CLN6: variants seen among roughly 807,000 people sequenced by gnomAD.
The protein encoded by CLN6 is ceroid-lipofuscinosis neuronal protein 6.
CLN6 carries 22 observed loss-of-function variants against 33.3 expected under a neutral mutation model. That is an observed-to-expected ratio of 0.66 (90% confidence interval 0.47 to 0.94). The LOEUF is 0.94. Ranked by LOEUF, CLN6 falls within the 40% of genes least tolerant of loss-of-function variation. CLN6 has a pLI of 0.00. For missense variants in CLN6, 387 were observed against 417.1 expected (o/e 0.93, Z 0.63); for synonymous variants, 201 against 174.6 (o/e 1.15, Z -1.19).
At chr15:68,254,578 C>G (rs1268925462) in intron 1 of CLN6, 26 of 560,844 alleles carry the variant, frequency 4.6e-5, no homozygotes, top group South Asian at 2.8e-4. Context: ...GACCCCAGGA[C>G]AGATCAAAGC....
In CLN6 at chr15:68,229,519, G is replaced by A. The variant is rs796052349; in HGVS notation, c.66C>T (p.Ala22=). 8.2e-6 allele frequency: 12 copies of A among 1,467,362 alleles called. No individual in the cohort carries two copies. Among genetic ancestry groups the A allele is most frequent in the Non-Finnish European group, 9.0e-6 (10 of 1,114,624 alleles). The allele number at this position is 1,467,362 out of a possible 1,614,324, so 90.9% of individuals were successfully genotyped here. A position where few individuals can be genotyped will look rare whatever the true frequency, so the allele number is the denominator to read the frequency against. The change falls in exon 1 of 7, where the codon GCC becomes GCT. Residue 22 remains alanine (A), a synonymous_variant. Transcript: ENST00000249806. ...GCGCCCACCTGGCCTGCAGGAAGGA[G>A]GCGCCCAGCTGCGCGCCTGGGCCGC... The part of the protein sequence containing the change: ...ATGGPGAQLG[A]SFLQARHGSV...
At chr15:68,231,373 T>C (rs998110775), upstream of CLN6, among the ~76,000 whole-genome samples, 1 of 152,198 alleles carries the variant, frequency 6.6e-6, no homozygotes. Context: ...CTCTGTTTTG[T>C]AGCAGAGAAA....
chr15:68,253,274 G>GCGTA (rs1892398486), intron 1 of CLN6, among the ~76,000 whole-genome samples: 1 of 152,214 alleles, frequency 6.6e-6, no homozygotes, highest in African/African-American at 2.4e-5. Context: ...AGCATCTCAG[G>GCGTA]CGTACATCAC....
In CLN6 at chr15:68,246,558, T is replaced by G. The variant is rs1226365336; in HGVS notation, c.179+10132A>C. Among the ~76,000 whole-genome samples the G allele has an allele frequency of 6.6e-6, 1 of 151,980 alleles. No individual in the cohort carries two copies. ...TAAACATAACAAAATATATGAGATA[T>G]GGTAAAAGCAGTACTCAGAGGGAAT... On this transcript the variant is annotated intron_variant, in intron 1 of 6. Coordinates refer to the CLN6 transcript ENST00000538696. The surrounding 1 kb of genome is among the most constrained non-coding windows in gnomAD (Gnocchi z 4.5).
At chr15:68,225,215 A>G (rs778772918) in intron 1 of CLN6, among the ~76,000 whole-genome samples, 1 of 152,252 alleles carries the variant, frequency 6.6e-6, no homozygotes, top group African/African-American at 2.4e-5. Flanking sequence ...TCCAAGAAAA[A>G]CAAAAGTAAC....
In CLN6 at chr15:68,207,154, TC is replaced by T. The variant is rs1242780329; in HGVS notation, c.*985del. 1 of 152,198 alleles carries T rather than the reference TC, an allele frequency of 6.6e-6. No individual in the cohort carries two copies. Among genetic ancestry groups the T allele is most frequent in the African/African-American group, 2.4e-5 (1 of 41,428 alleles). The allele number at this position is 152,198 out of a possible 1,614,324, so 9.4% of individuals were successfully genotyped here. ...AGGGTCCTAGGTAGGGGGAGGTTCCTCCTCCCTTGAAACCCTGGGCCACTCT... is the reference window on the plus strand; with the variant it reads ...AGGGTCCTAGGTAGGGGGAGGTTCCTCTCCCTTGAAACCCTGGGCCACTCT... On this transcript the variant is annotated 3_prime_UTR_variant, in exon 7 of 7. Transcript: ENST00000249806.
At chr15:68,216,886 A>G (rs542518900) in intron 2 of CLN6, among the ~76,000 whole-genome samples, 121 of 152,350 alleles carry the variant, frequency 7.9e-4, no homozygotes, top group African/African-American at 2.8e-3. Context: ...GTGACAGAGA[A>G]TTCAACCTTG....
upstream of CLN6, among the ~76,000 whole-genome samples, chr15:68,231,613 C>T (rs1157483295): frequency 5.9e-5 from 9 of 152,256 alleles, no homozygotes; most frequent in Non-Finnish European, 1.0e-4. Flanking sequence ...ATGTCATCAT[C>T]GATTTAATAA....
chr15:68,211,126 A>G lies in CLN6; in HGVS notation c.542+137T>C, dbSNP rs188877968. 2.9e-3 allele frequency: 2,324 copies of G among 805,898 alleles called. 7 individuals are homozygous for G. Among genetic ancestry groups the G allele is most frequent in the Admixed American group, 5.2e-3 (299 of 57,672 alleles). 49.9% of individuals were successfully genotyped at this position (805,898 alleles called of 1,614,324 possible). A position where few individuals can be genotyped will look rare whatever the true frequency, so the allele number is the denominator to read the frequency against. On this transcript the variant is annotated intron_variant, in intron 5 of 6. Coordinates refer to ENST00000249806, the MANE Select transcript of CLN6 (RefSeq NM_017882.3). This position sits in a 1 kb window ranked among gnomAD's most constrained non-coding sequence, Gnocchi z 5.9. The stretch of plus-strand genomic sequence containing the variant: ...CAACTTCACTGGAGGTTGAGCTCAC[A>G]GTGCCTTTACAGGGGATGAGACTCA...
chr15:68,222,965 A>C (rs564395418), intron 1 of CLN6, among the ~76,000 whole-genome samples: 8 of 152,288 alleles, frequency 5.3e-5, no homozygotes, highest in African/African-American at 1.9e-4. Context: ...CCTAATCTCA[A>C]GTACCCAGGG....
At chr15:68,254,794 A>T in intron 1 of CLN6, 4 of 996,510 alleles carry the variant, frequency 4.0e-6, no homozygotes, top group Non-Finnish European at 6.4e-6. Context: ...AGGTACCAAA[A>T]GGGAAAAGGG....
chr15:68,239,598 C>T (rs1207168981), intron 1 of CLN6, among the ~76,000 whole-genome samples: 2 of 152,016 alleles, frequency 1.3e-5, no homozygotes, highest in Admixed American at 6.5e-5. Context: ...ACTAAAATAG[C>T]ATCCAAATAT....
At chr15:68,244,422 G>GA (rs36078623) in intron 1 of CLN6, among the ~76,000 whole-genome samples, 32 of 149,912 alleles carry the variant, frequency 2.1e-4, no homozygotes, top group East Asian at 5.9e-4. Context: ...AGTGCTGAAA[G>GA]AAAAAAAAAA....
At chr15:68,216,926 TG>T (rs1391637584) in intron 2 of CLN6, among the ~76,000 whole-genome samples, 4 of 152,256 alleles carry the variant, frequency 2.6e-5, no homozygotes, top group Non-Finnish European at 5.9e-5. Context: ...CCAGAATGCC[TG>T]GGCAGATGCT....
At chr15:68,257,084 G>A (rs1892446187) in exon 1 of CLN6, 1 of 436,542 alleles carries the variant, frequency 2.3e-6, no homozygotes, top group African/African-American at 2.0e-5. Flanking sequence ...CCAAGGGAAA[G>A]AGAGACACCT....
At chr15:68,226,315 T>C (rs1015841516) in intron 1 of CLN6, among the ~76,000 whole-genome samples, 4 of 124,872 alleles carry the variant, frequency 3.2e-5, no homozygotes, top group African/African-American at 1.6e-4. Flanking sequence ...TGAGACTCCA[T>C]CTCAAAAAAA....
chr15:68,234,538 G>A (rs1245197507), upstream of CLN6, among the ~76,000 whole-genome samples: 1 of 152,126 alleles, frequency 6.6e-6, no homozygotes, highest in African/African-American at 2.4e-5. The surrounding 1 kb of genome is among the most constrained non-coding windows in gnomAD (Gnocchi z 4.1). Flanking sequence ...CCTTTTACAT[G>A]TGGCTATAAA....
In CLN6 at chr15:68,241,863, C is replaced by A. The variant is rs1225886209; in HGVS notation, c.179+14827G>T. Among the ~76,000 whole-genome samples the A allele has an allele frequency of 6.6e-6, 1 of 152,136 alleles. No individual in the cohort carries two copies. The highest frequency in any genetic ancestry group is 1.5e-5 in the Non-Finnish European group (1 of 68,030). ...CGAGGCAAACCTGGGCTTAAGAAATCATCTAGTGCCAAAAAGGAGGTAGTG... is the reference window on the plus strand; with the variant it reads ...CGAGGCAAACCTGGGCTTAAGAAATAATCTAGTGCCAAAAAGGAGGTAGTG... On this transcript the variant is annotated intron_variant, in intron 1 of 6. Coordinates refer to the CLN6 transcript ENST00000538696. This position sits in a 1 kb window ranked among gnomAD's most constrained non-coding sequence, Gnocchi z 4.2.
intron 1 of CLN6, among the ~76,000 whole-genome samples, chr15:68,250,624 CAAAAAAAAAAAAA>C (rs57895966): frequency 1.6e-5 from 1 of 61,656 alleles, no homozygotes; most frequent in Non-Finnish European, 3.8e-5. Flanking sequence ...GACTCTGTCT[CAAAAAAAAAAAAA>C]AAAAAAAAAT....
Sources: gnomAD v4.1 joint callset for allele counts (sites outside exome capture counted in the v4.1 genomes callset) on GRCh38, gnomAD v4.1.1 for gene constraint, Gnocchi (gnomAD v3.1) non-coding constraint, MANE v1.5 for transcripts, NCBI Gene and HGNC (gene_info 2026-07-23, HGNC 2026-07-21) for gene names.